The following DCLK1 variants were observed in gnomAD, a reference collection of about 807,000 sequenced individuals.
DCLK1 encodes the protein doublecortin like kinase 1.
Under a neutral mutation model 86.2 loss-of-function variants are expected in DCLK1, and 16 were observed. That is an observed-to-expected ratio of 0.19 (90% confidence interval 0.13 to 0.28). The LOEUF (loss-of-function observed/expected upper bound fraction) is 0.28, where lower values mean the gene tolerates loss of function less well. Ranked by LOEUF, DCLK1 falls within the 10% of genes least tolerant of loss-of-function variation. The pLI, the probability that DCLK1 is intolerant of heterozygous loss-of-function variation, is 1.00. For synonymous variants in DCLK1, 369 were observed against 370.5 expected (o/e 1.00, Z 0.05); for missense variants, 590 against 940.2 (o/e 0.63, Z 4.87).
rs113891458 is a variant in DCLK1 at position 36,060,060 on chromosome 13, G to A, written c.723+51809C>T. 5.6e-3 allele frequency among the ~76,000 whole-genome samples: 858 copies of A among 151,880 alleles called. 2 individuals are homozygous for A. Among genetic ancestry groups the A allele is most frequent in the Admixed American group, 9.6e-3 (146 of 15,256 alleles). On this transcript the variant is annotated intron_variant, in intron 3 of 16. Coordinates refer to ENST00000360631, the MANE Select transcript of DCLK1 (RefSeq NM_001330071.2). ...CTAATTTTGTATTTTTAGTAGAGAT[G>A]GGGTTTCACCATGTTGGCCAGGCTG...
chr13:35,965,882 G>A (rs997730466), intron 3 of DCLK1, among the ~76,000 whole-genome samples: 2 of 152,168 alleles, frequency 1.3e-5, no homozygotes, highest in Non-Finnish European at 2.9e-5. Context: ...GAGACTGTAA[G>A]GGATCTGAAC....
intron 3 of DCLK1, among the ~76,000 whole-genome samples, chr13:35,962,453 T>A (rs1022273861): frequency 5.9e-5 from 9 of 152,156 alleles, no homozygotes; most frequent in African/African-American, 2.2e-4. Flanking sequence ...GGCCTGGGAA[T>A]GATTCTCCCT....
At chr13:35,793,955 AGTTACTCATTTG>A (rs1359055184) in intron 15 of DCLK1, among the ~76,000 whole-genome samples, 1 of 152,216 alleles carries the variant, frequency 6.6e-6, no homozygotes. Context: ...GCTGTTCCAC[AGTTACTCATTTG>A]GCCATTCTAA....
At chr13:35,877,058 A>C (rs1872631918) in intron 4 of DCLK1, among the ~76,000 whole-genome samples, 1 of 152,220 alleles carries the variant, frequency 6.6e-6, no homozygotes, top group Non-Finnish European at 1.5e-5. Flanking sequence ...GCAACATTGA[A>C]TTAAATCTCT....
intron 3 of DCLK1, among the ~76,000 whole-genome samples, chr13:36,105,133 A>C (rs1885344364): frequency 6.6e-6 from 1 of 152,210 alleles, no homozygotes; most frequent in Non-Finnish European, 1.5e-5. Context: ...ACTACTAATG[A>C]GTATTCAAGT....
Position 35,942,641 on chromosome 13 carries a change from G to T in DCLK1, c.823+4717C>A, listed in dbSNP as rs181706547. On this transcript the variant is annotated intron_variant, in intron 4 of 16. Coordinates refer to ENST00000360631, the MANE Select transcript of DCLK1 (RefSeq NM_001330071.2). ...ATCTCCTCCGGCACATTTGACATCA[G>T]CCTATAAATCAGTACCTTTTGGACA... Among the ~76,000 whole-genome samples the T allele has an allele frequency of 5.9e-4, 90 of 152,280 alleles. 1 individual carries two copies. The highest frequency in any genetic ancestry group is 1.1e-3 in the Non-Finnish European group (74 of 68,024).
chr13:35,892,597 AC>A (rs1330983264), intron 4 of DCLK1, among the ~76,000 whole-genome samples: 1 of 152,242 alleles, frequency 6.6e-6, no homozygotes, highest in Non-Finnish European at 1.5e-5. Flanking sequence ...AGATAATTAA[AC>A]AAAATATATT....
At chr13:35,810,392 GA>G (rs1395047831) in intron 12 of DCLK1, among the ~76,000 whole-genome samples, 1 of 152,178 alleles carries the variant, frequency 6.6e-6, no homozygotes, top group East Asian at 1.9e-4. Flanking sequence ...GTACTCCACG[GA>G]AAATCAATGG....
chr13:35,964,260 A>AT (rs1367538478), intron 3 of DCLK1, among the ~76,000 whole-genome samples: 3 of 152,242 alleles, frequency 2.0e-5, no homozygotes, highest in Non-Finnish European at 2.9e-5. Flanking sequence ...TTCAAAAGGA[A>AT]TATGCCGTGA....
chr13:35,786,124 T>C lies in DCLK1; in HGVS notation c.2058+7242A>G, dbSNP rs985519474. Among the ~76,000 whole-genome samples the C allele has an allele frequency of 6.6e-5, 10 of 152,202 alleles. 1 individual carries two copies. Among genetic ancestry groups the C allele is most frequent in the South Asian group, 4.1e-4 (2 of 4,834 alleles). On this transcript the variant is annotated intron_variant, in intron 16 of 16. Coordinates refer to ENST00000360631, the MANE Select transcript of DCLK1 (RefSeq NM_001330071.2). ...AGGGATGTGTCATTTTGTCTGCTGA[T>C]GGGAACCATCACTAGGATTTTAGTT...
chr13:35,918,013 C>G (rs967394373), intron 4 of DCLK1, among the ~76,000 whole-genome samples: 2 of 152,160 alleles, frequency 1.3e-5, no homozygotes, highest in African/African-American at 4.8e-5. Context: ...CCAAACCCCA[C>G]CATTAATCTG....
At chr13:35,912,121 C>T (rs1029014608) in intron 4 of DCLK1, among the ~76,000 whole-genome samples, 1 of 152,188 alleles carries the variant, frequency 6.6e-6, no homozygotes, top group Admixed American at 6.5e-5. Flanking sequence ...CTTTCTGAAT[C>T]CTTCCTTGAA....
intron 10 of DCLK1, among the ~76,000 whole-genome samples, chr13:35,827,422 T>A (rs115807331): frequency 0.022 from 3,411 of 152,264 alleles, 111 homozygotes; most frequent in African/African-American, 0.078. Context: ...AAGTGAGACA[T>A]AAAGAGGTAG....
chr13:35,849,430 C>G (rs1366061912), intron 6 of DCLK1: 2 of 985,136 alleles, frequency 2.0e-6, no homozygotes, highest in Non-Finnish European at 2.4e-6. Context: ...TGAGATATGT[C>G]AAGCCTGGAG....
At chr13:35,787,978 G>C in intron 16 of DCLK1, 1 of 517,964 alleles carries the variant, frequency 1.9e-6, no homozygotes, top group Non-Finnish European at 3.5e-6. Context: ...AAGGAAAATT[G>C]ATACTGAGCA....
chr13:35,822,628 A>G, intron 11 of DCLK1, 101 bp downstream of exon 11: 1 of 1,528,402 alleles, frequency 6.5e-7, no homozygotes, highest in Non-Finnish European at 8.9e-7. Flanking sequence ...TTAACCTTTC[A>G]GGTAAATTTT....
chr13:36,074,468 C>CAAAAAAAAAAAAAAA (rs768865436), intron 3 of DCLK1, among the ~76,000 whole-genome samples: 2 of 79,322 alleles, frequency 2.5e-5, no homozygotes, highest in Admixed American at 1.5e-4. Flanking sequence ...GACTCCGTCT[C>CAAAAAAAAAAAAAAA]AAAAAAAAAA....
intron 3 of DCLK1, among the ~76,000 whole-genome samples, chr13:36,095,183 T>TG (rs1884965121): frequency 8.2e-6 from 1 of 121,952 alleles, no homozygotes; most frequent in Non-Finnish European, 1.7e-5. Flanking sequence ...GTTTTTTTTT[T>TG]TTGTTTTTTT....
chr13:35,938,404 T>G (rs943889029), intron 4 of DCLK1, among the ~76,000 whole-genome samples: 2 of 151,864 alleles, frequency 1.3e-5, no homozygotes, highest in African/African-American at 4.8e-5. Flanking sequence ...CCAAAGCGGG[T>G]GGATCACGAG....
Sources: gnomAD v4.1 joint callset for allele counts (sites outside exome capture counted in the v4.1 genomes callset) on GRCh38, gnomAD v4.1.1 for gene constraint, MANE v1.5 for transcripts, NCBI Gene and HGNC (gene_info 2026-07-23, HGNC 2026-07-21) for gene names.